The following TASP1 variants were observed in gnomAD, a reference collection of about 807,000 sequenced individuals.
TASP1 encodes taspase 1.
A neutral mutation model predicts 56.6 loss-of-function variants in TASP1; 16 were observed. The ratio of observed to expected loss-of-function variants is 0.28; its 90% CI spans 0.19 to 0.43. TASP1 has a LOEUF of 0.43. Ranked by LOEUF, TASP1 falls within the 20% of genes least tolerant of loss-of-function variation. TASP1 has a pLI of 1.00. For synonymous variants in TASP1, 179 were observed against 184.2 expected (o/e 0.97, Z 0.23); for missense variants, 393 against 511.6 (o/e 0.77, Z 2.24).
intron 1 of TASP1, among the ~76,000 whole-genome samples, chr20:13,637,404 C>T (rs1176240911): frequency 6.6e-6 from 1 of 152,196 alleles, no homozygotes; most frequent in African/African-American, 2.4e-5. Context: ...CTCAAGAGAA[C>T]TGAAAACGTA....
At chr20:13,251,616 C>T in the TASP1 span, among the ~76,000 whole-genome samples, 1 of 152,210 alleles carries the variant, frequency 6.6e-6, no homozygotes, top group East Asian at 1.9e-4. Context: ...GATCATAAGA[C>T]TTTCTCTTTG....
chr20:13,191,537 G>A, the TASP1 span, among the ~76,000 whole-genome samples: 9,527 of 152,152 alleles, frequency 0.063, 620 homozygotes, highest in African/African-American at 0.17. Context: ...AGCTAAAAAC[G>A]TTGGTTACAT....
the TASP1 span, among the ~76,000 whole-genome samples, chr20:13,137,905 G>A: frequency 2.0e-5 from 3 of 152,090 alleles, no homozygotes; most frequent in Non-Finnish European, 4.4e-5. Context: ...GTCCCCCTGA[G>A]CTTTCTGCTA....
chr20:13,223,473 G>C, the TASP1 span, among the ~76,000 whole-genome samples: 2 of 152,240 alleles, frequency 1.3e-5, no homozygotes, highest in Non-Finnish European at 2.9e-5. Flanking sequence ...GGTACAGAGA[G>C]GTTAAAAAAC....
chr20:13,202,879 GAGA>G, the TASP1 span, among the ~76,000 whole-genome samples: 5 of 152,312 alleles, frequency 3.3e-5, 1 homozygote, highest in Admixed American at 3.3e-4. Context: ...TATTTGTTAT[GAGA>G]AGATTATAGT....
At chr20:13,364,475 G>A in the TASP1 span, among the ~76,000 whole-genome samples, 1 of 152,092 alleles carries the variant, frequency 6.6e-6, no homozygotes, top group African/African-American at 2.4e-5. Context: ...TGGCAGGAGT[G>A]GCAGAGGCTG....
the TASP1 span, among the ~76,000 whole-genome samples, chr20:13,365,476 T>C: frequency 6.6e-6 from 1 of 152,230 alleles, no homozygotes; most frequent in Non-Finnish European, 1.5e-5. Flanking sequence ...TGAGTATATT[T>C]CAGCTTGATG....
At chr20:13,511,683 G>A (rs560971899) in intron 10 of TASP1, among the ~76,000 whole-genome samples, 22 of 152,020 alleles carry the variant, frequency 1.4e-4, no homozygotes, top group African/African-American at 4.8e-4. Flanking sequence ...CATGTGCCAT[G>A]TTGGTGTGCT....
chr20:13,564,880 C>T (rs1461641224), intron 7 of TASP1, among the ~76,000 whole-genome samples: 1 of 151,706 alleles, frequency 6.6e-6, no homozygotes, highest in East Asian at 1.9e-4. Context: ...GTGGTGGGCA[C>T]TTGTAATCCC....
At chr20:13,251,647 A>T in the TASP1 span, among the ~76,000 whole-genome samples, 7 of 152,318 alleles carry the variant, frequency 4.6e-5, no homozygotes, top group African/African-American at 1.7e-4. Flanking sequence ...AGCTAGAAAT[A>T]TATTTCCTTT....
At position 13,459,992 on chromosome 20, in the gene TASP1, C is replaced by T. The variant is rs895116474; in HGVS notation, c.985+23235G>A. Among the ~76,000 whole-genome samples, 5 of 152,238 alleles carry T rather than the reference C, an allele frequency of 3.3e-5. No individual in the cohort carries two copies. In the East Asian group the frequency reaches 7.7e-4, roughly 24 times the overall value. On this transcript the variant is annotated intron_variant, in intron 11 of 13. Coordinates refer to ENST00000337743, the MANE Select transcript of TASP1 (RefSeq NM_017714.3). ...TATATAGACAAGAAAAAAACACTTT[C>T]CTCTCCAGCTACCACCCCATTATCT...
At chr20:13,238,296 C>A in the TASP1 span, among the ~76,000 whole-genome samples, 1 of 152,098 alleles carries the variant, frequency 6.6e-6, no homozygotes, top group Admixed American at 6.5e-5. Context: ...TAGCCCTCTC[C>A]CTAGGCTCTG....
intron 11 of TASP1, among the ~76,000 whole-genome samples, chr20:13,477,343 T>G (rs1173247205): frequency 6.6e-6 from 1 of 152,004 alleles, no homozygotes; most frequent in East Asian, 1.9e-4. Context: ...TTTCCAACAA[T>G]AGTCACAAAG....
the TASP1 span, among the ~76,000 whole-genome samples, chr20:13,274,257 A>G: frequency 6.6e-6 from 1 of 152,012 alleles, no homozygotes; most frequent in South Asian, 2.1e-4. Context: ...TCCTCAGAGC[A>G]CTGTTCTTTT....
the TASP1 span, among the ~76,000 whole-genome samples, chr20:13,256,536 G>GGGGATCAT: frequency 6.6e-6 from 1 of 152,152 alleles, no homozygotes; most frequent in Non-Finnish European, 1.5e-5. Context: ...TATTTTAATA[G>GGGGATCAT]GGGATCATGG....
intron 10 of TASP1, among the ~76,000 whole-genome samples, chr20:13,484,168 A>G (rs1458423427): frequency 6.6e-6 from 1 of 152,212 alleles, no homozygotes; most frequent in African/African-American, 2.4e-5. Context: ...CAGATGCTGG[A>G]AAGGATGTGG....
At chr20:13,621,344 T>C (rs1237409980) in intron 4 of TASP1, among the ~76,000 whole-genome samples, 2 of 152,016 alleles carry the variant, frequency 1.3e-5, no homozygotes, top group Non-Finnish European at 2.9e-5. Context: ...GGCACAAGAA[T>C]CACTTGAGCC....
intron 10 of TASP1, among the ~76,000 whole-genome samples, chr20:13,494,052 T>C (rs1219748697): frequency 6.6e-6 from 1 of 152,188 alleles, no homozygotes; most frequent in Non-Finnish European, 1.5e-5. Flanking sequence ...AGAGTATATG[T>C]ATAAGCATTA....
chr20:13,520,836 A>C (rs2044721247), intron 10 of TASP1, among the ~76,000 whole-genome samples: 1 of 152,210 alleles, frequency 6.6e-6, no homozygotes, highest in East Asian at 1.9e-4. Flanking sequence ...GTGAACAGGC[A>C]ACCTATAGAA....
Sources: allele counts gnomAD v4.1 joint callset (sites outside exome capture counted in the v4.1 genomes callset), GRCh38; gene constraint gnomAD v4.1.1; transcripts MANE v1.5; gene names NCBI Gene and HGNC (gene_info 2026-07-23, HGNC 2026-07-21).